STAT5B: variants seen among roughly 807,000 people sequenced by gnomAD.
The protein encoded by STAT5B is transcription factor STAT5B.
A neutral mutation model predicts 107.8 loss-of-function variants in STAT5B; 21 were observed. The observed-to-expected ratio is 0.19, with a 90% CI of 0.14 to 0.28. The LOEUF (loss-of-function observed/expected upper bound fraction) is 0.28. Ranked by LOEUF, STAT5B falls within the 10% of genes least tolerant of loss-of-function variation. The pLI is 1.00. For missense variants in STAT5B, 565 were observed against 1,008.2 expected (o/e 0.56, Z 5.95); for synonymous variants, 325 against 401.7 (o/e 0.81, Z 2.28).
upstream of STAT5B, among the ~76,000 whole-genome samples, chr17:42,276,888 C>T (rs183158947): frequency 1.1e-3 from 170 of 152,294 alleles, no homozygotes; most frequent in African/African-American, 4.0e-3. The surrounding 1 kb of genome is among the most constrained non-coding windows in gnomAD (Gnocchi z 4.8). Flanking sequence ...CCTGGGTTTG[C>T]CCCCGGGAGG....
intron 1 of STAT5B, among the ~76,000 whole-genome samples, chr17:42,265,374 C>CTTTTTTTTTTTTTTTTTTTTTTTTTTTTT (rs1275073687): frequency 2.0e-5 from 2 of 99,230 alleles, no homozygotes; most frequent in African/African-American, 1.0e-4. Flanking sequence ...GGTATGTACT[C>CTTTTTTTTTTTTTTTTTTTTTTTTTTTTT]TTCTTTTTTT....
chr17:42,227,763 T>G (rs2080286180), intron 2 of STAT5B, 78 bp from the exon 3 acceptor site: 1 of 1,469,358 alleles, frequency 6.8e-7, no homozygotes, highest in Non-Finnish European at 9.3e-7. Context: ...CACATCCTAC[T>G]TTTTCTTCAA....
intron 1 of STAT5B, among the ~76,000 whole-genome samples, chr17:42,235,859 A>T (rs1230494268): frequency 6.6e-6 from 1 of 152,186 alleles, no homozygotes; most frequent in Non-Finnish European, 1.5e-5. Context: ...ATACTTGCGG[A>T]GCGAATAAAT....
At chr17:42,227,737 A>G in intron 2 of STAT5B, 52 bp from the exon 3 acceptor site, 2 of 1,589,726 alleles carry the variant, frequency 1.3e-6, no homozygotes, top group Non-Finnish European at 1.7e-6. Context: ...GTGAGCCTGT[A>G]TAAATACAGC....
intron 1 of STAT5B, chr17:42,270,788 G>C (rs1265204158): frequency 6.6e-6 from 1 of 152,192 alleles, no homozygotes; most frequent in Non-Finnish European, 1.5e-5. Flanking sequence ...GCCCCGCCAA[G>C]AACAGTAATG....
intron 1 of STAT5B, among the ~76,000 whole-genome samples, chr17:42,268,236 T>C (rs1341860180): frequency 1.3e-5 from 2 of 152,206 alleles, no homozygotes; most frequent in African/African-American, 2.4e-5. Flanking sequence ...TGCCATGTTT[T>C]TACTGTAACT....
chr17:42,243,603 T>C (rs539767982), intron 1 of STAT5B, among the ~76,000 whole-genome samples: 1 of 152,264 alleles, frequency 6.6e-6, no homozygotes, highest in African/African-American at 2.4e-5. Context: ...ATCTAACAAC[T>C]GTGAACACTG....
Position 42,226,806 on chromosome 17 carries a change from C to T in STAT5B, c.285+723G>A, listed in dbSNP as rs1598310363. On this transcript the variant is annotated intron_variant, in intron 3 of 18. Coordinates refer to ENST00000293328, the MANE Select transcript of STAT5B (RefSeq NM_012448.4). ...CTGGGCAACAAGAGTGAAACTCCATCTCAAAAAAAAAAAAAAAAAAAGACA... is the reference window on the plus strand; with the variant it reads ...CTGGGCAACAAGAGTGAAACTCCATTTCAAAAAAAAAAAAAAAAAAAGACA... Among the ~76,000 whole-genome samples, 8 of 98,508 alleles carry T rather than the reference C, an allele frequency of 8.1e-5. No homozygotes were observed. The South Asian group carries it at 2.4e-3, about 29-fold the overall frequency. 64.6% of individuals were successfully genotyped at this position (98,508 alleles called of 152,430 possible).
intron 1 of STAT5B, among the ~76,000 whole-genome samples, chr17:42,262,859 CAT>C (rs1555553495): frequency 4.2e-4 from 48 of 114,548 alleles, no homozygotes; most frequent in South Asian, 1.1e-3. Flanking sequence ...TATATACACA[CAT>C]ATATGTGTGT....
intron 1 of STAT5B, chr17:42,235,609 C>T (rs2080350419): frequency 6.6e-6 from 1 of 152,178 alleles, no homozygotes; most frequent in Admixed American, 6.6e-5. Context: ...TCCCGAGTAG[C>T]TGGGACTACA....
intron 1 of STAT5B, among the ~76,000 whole-genome samples, chr17:42,269,970 A>G (rs1347500141): frequency 2.6e-5 from 4 of 152,084 alleles, no homozygotes; most frequent in Non-Finnish European, 5.9e-5. Context: ...AGCACTTCGG[A>G]AGGCCAAGGC....
the STAT5B span, among the ~76,000 whole-genome samples, chr17:42,286,439 G>A: frequency 6.6e-6 from 1 of 152,052 alleles, no homozygotes; most frequent in African/African-American, 2.4e-5. Context: ...CTGTACTCTG[G>A]CACCTCAATG....
intron 1 of STAT5B, among the ~76,000 whole-genome samples, chr17:42,262,971 TA>T (rs2080627317): frequency 5.7e-5 from 1 of 17,414 alleles, no homozygotes; most frequent in African/African-American, 3.0e-4. Flanking sequence ...TGTGTGTGTG[TA>T]TATATATATA....
intron 5 of STAT5B, 82 bp from the exon 6 acceptor site, chr17:42,219,924 G>A: frequency 6.2e-7 from 1 of 1,601,790 alleles, no homozygotes; most frequent in African/African-American, 1.3e-5. Flanking sequence ...ACCCGTTCTG[G>A]AGCGAGACCC....
chr17:42,249,955 C>T (rs1267871131), intron 1 of STAT5B, among the ~76,000 whole-genome samples: 4 of 152,164 alleles, frequency 2.6e-5, no homozygotes, highest in Non-Finnish European at 5.9e-5. Flanking sequence ...AGCCACTGCA[C>T]CAAACCCAGA....
rs556691083 is a variant in STAT5B at position 42,223,467 on chromosome 17, C to A, written c.465G>T (p.Thr155=). 1.9e-6 allele frequency: 3 copies of A among 1,614,156 alleles called. No homozygotes were observed. Among genetic ancestry groups the A allele is most frequent in the Non-Finnish European group, 2.5e-6 (3 of 1,180,028 alleles). The change falls in exon 5 of 19, where the codon ACG becomes ACT. Residue 155 remains threonine (T), a synonymous_variant. Transcript: ENST00000293328. ...NQTFEELRLV[T]QDTENELKKL... ...TTTTTAACTCATTCTCTGTGTCCTGCGTGACCAGTCGCAGCTCCTCAAACG... is the reference window on the plus strand; with the variant it reads ...TTTTTAACTCATTCTCTGTGTCCTGAGTGACCAGTCGCAGCTCCTCAAACG...
chr17:42,288,204 C>T, the STAT5B span: 2 of 152,236 alleles, frequency 1.3e-5, no homozygotes, highest in Admixed American at 6.5e-5. The surrounding 1 kb of genome is among the most constrained non-coding windows in gnomAD (Gnocchi z 4.8). Flanking sequence ...CAACCACATT[C>T]CCCCGGCTAT....
rs534516001 is a variant in STAT5B, at chr17:42,253,084, G to A, written c.-10-20947C>T. Among the ~76,000 whole-genome samples the A allele has an allele frequency of 2.4e-4, 36 of 151,978 alleles. 1 individual carries two copies. Among genetic ancestry groups the A allele is most frequent in the African/African-American group, 8.2e-4 (34 of 41,430 alleles). On this transcript the variant is annotated intron_variant, in intron 1 of 18. Coordinates refer to ENST00000293328, the MANE Select transcript of STAT5B (RefSeq NM_012448.4). ...TTAGAAGGATGACTCAGGACTTATGGCATCAGTCTGATAGACGTTGAACCT... is the reference window on the plus strand; with the variant it reads ...TTAGAAGGATGACTCAGGACTTATGACATCAGTCTGATAGACGTTGAACCT...
intron 1 of STAT5B, among the ~76,000 whole-genome samples, chr17:42,258,215 T>C (rs1017727772): frequency 5.3e-5 from 8 of 152,180 alleles, no homozygotes; most frequent in East Asian, 1.9e-4. Flanking sequence ...TTTGGCAACA[T>C]AGTAAAATAA....
Sources: gnomAD v4.1 joint callset for allele counts (sites outside exome capture counted in the v4.1 genomes callset) on GRCh38, gnomAD v4.1.1 for gene constraint, Gnocchi (gnomAD v3.1) non-coding constraint, MANE v1.5 for transcripts, NCBI Gene and HGNC (gene_info 2026-07-23, HGNC 2026-07-21) for gene names.